Variants in DMRTB1 observed in about 807,000 individuals in gnomAD.
DMRTB1 encodes the protein doublesex- and mab-3-related transcription factor B1.
Under a neutral mutation model 25.2 loss-of-function variants are expected in DMRTB1, and 9 were observed. The ratio of observed to expected loss-of-function variants is 0.36; its 90% CI spans 0.22 to 0.62. The LOEUF is 0.62. Among genes scored for constraint, DMRTB1 ranks in the 20% least tolerant of loss-of-function variants. The pLI is 0.71. For missense variants in DMRTB1, 551 were observed against 499.3 expected, an observed-to-expected ratio of 1.10 and a Z score of -0.99; for synonymous variants, 269 against 238.1, an observed-to-expected ratio of 1.13 and a Z score of -1.20.
At position 53,459,912 on chromosome 1, in the gene DMRTB1, G is replaced by C; in HGVS notation, c.459G>C (p.Ala153=). Residue 153 remains alanine (A), a synonymous_variant, in exon 1 of 4, where the codon GCG becomes GCC. Transcript: ENST00000371445. ...AGCCGAGCGAGCGAGCCGCCGTGGC[G>C]ATGCCCAGCCTTGCGGGACCCCCTT... The part of the protein sequence containing the change: ...HVEPSERAAV[A]MPSLAGPPFG... 6.5e-7 allele frequency: 1 copy of C among 1,548,642 alleles called. No individual in the cohort carries two copies. The highest frequency in any genetic ancestry group is 8.6e-7 in the Non-Finnish European group (1 of 1,156,990).
chr1:53,463,341 C>A (rs1644031634), intron 2 of DMRTB1, among the ~76,000 whole-genome samples: 1 of 152,174 alleles, frequency 6.6e-6, no homozygotes, highest in Non-Finnish European at 1.5e-5. Context: ...GTTCACAGGA[C>A]AGCACTGGCC....
Position 53,459,681 on chromosome 1 carries a change from G to C in DMRTB1, c.228G>C (p.Gln76His). 6.6e-7 allele frequency: 1 copy of C among 1,516,488 alleles called. No individual in the cohort carries two copies. Among genetic ancestry groups the C allele is most frequent in the Non-Finnish European group, 8.8e-7 (1 of 1,133,112 alleles). The allele number at this position is 1,516,488 out of a possible 1,614,324, so 93.9% of individuals were successfully genotyped here. A position where few individuals can be genotyped will look rare whatever the true frequency, so the allele number is the denominator to read the frequency against. The change falls in exon 1 of 4, where the codon CAG becomes CAC. Residue 76 changes from glutamine (Q) to histidine (H), a missense_variant. By Grantham distance (24) the Gln-to-His change is conservative. Coordinates refer to ENST00000371445, the MANE Select transcript of DMRTB1 (RefSeq NM_033067.3). ...EAALCAQGPK[Q>H]ASGAAAAAPA... Reference sequence around the variant, plus strand: ...CCCTGTGTGCGCAGGGGCCCAAGCAGGCCTCCGGGGCTGCGGCCGCCGCCC... The same window carrying C: ...CCCTGTGTGCGCAGGGGCCCAAGCACGCCTCCGGGGCTGCGGCCGCCGCCC...
chr1:53,463,679 A>T (rs1644035055), intron 2 of DMRTB1, among the ~76,000 whole-genome samples: 1 of 152,178 alleles, frequency 6.6e-6, no homozygotes, highest in African/African-American at 2.4e-5. Context: ...TGACCCACTA[A>T]TGTGGGGAGC....
At chr1:53,461,000 G>T (rs1454093500) in intron 1 of DMRTB1, among the ~76,000 whole-genome samples, 2 of 152,200 alleles carry the variant, frequency 1.3e-5, no homozygotes, top group Non-Finnish European at 2.9e-5. Context: ...CATCTCAACA[G>T]ACAAGCAGGG....
intron 2 of DMRTB1, among the ~76,000 whole-genome samples, chr1:53,462,495 A>G (rs1210772995): frequency 6.6e-6 from 1 of 152,180 alleles, no homozygotes; most frequent in African/African-American, 2.4e-5. Flanking sequence ...TCTTCCACTT[A>G]TCTTAGATGT....
chr1:53,459,834 G>C lies in DMRTB1; in HGVS notation c.381G>C (p.Arg127=), dbSNP rs888136715. 4 of 1,473,028 alleles carry C rather than the reference G, an allele frequency of 2.7e-6. No homozygotes were observed. The African/African-American group carries it at 5.9e-5, about 22-fold the overall frequency. 91.2% of individuals were successfully genotyped at this position (1,473,028 alleles called of 1,614,324 possible). A position where few individuals can be genotyped will look rare whatever the true frequency, so the allele number is the denominator to read the frequency against. ...ACFFEQPPRG[R]NPGPRALQPV... Reference sequence around the variant, plus strand: ...TCTTCGAGCAGCCCCCGCGGGGCCGGAACCCCGGCCCGAGAGCCCTCCAGC... The same window carrying C: ...TCTTCGAGCAGCCCCCGCGGGGCCGCAACCCCGGCCCGAGAGCCCTCCAGC... Residue 127 remains arginine (R), a synonymous_variant, in exon 1 of 4, where the codon CGG becomes CGC. Coordinates refer to ENST00000371445, the MANE Select transcript of DMRTB1 (RefSeq NM_033067.3).
At chr1:53,465,449 G>A (rs768650678) in intron 3 of DMRTB1, among the ~76,000 whole-genome samples, 3 of 152,210 alleles carry the variant, frequency 2.0e-5, no homozygotes, top group African/African-American at 4.8e-5. Flanking sequence ...TGTGAGGGTC[G>A]AAGAAACTTT....
chr1:53,462,530 T>C (rs1644028042), intron 2 of DMRTB1, among the ~76,000 whole-genome samples: 1 of 152,222 alleles, frequency 6.6e-6, no homozygotes, highest in African/African-American at 2.4e-5. Context: ...TAAAAATCAT[T>C]TTCCACTGAT....
rs1224952204 is a variant in DMRTB1, at chr1:53,466,975, C to G, written c.*313C>G. On this transcript the variant is annotated 3_prime_UTR_variant, in exon 4 of 4. Coordinates refer to ENST00000371445, the MANE Select transcript of DMRTB1 (RefSeq NM_033067.3). ...TTACACTACCATTTATTGGAACAAGCCCCAGAGGCAGTATTTGATTTCCTC... is the reference window on the plus strand; with the variant it reads ...TTACACTACCATTTATTGGAACAAGGCCCAGAGGCAGTATTTGATTTCCTC... 1.2e-5 allele frequency: 4 copies of G among 337,214 alleles called. No individual in the cohort carries two copies. Among genetic ancestry groups the G allele is most frequent in the Non-Finnish European group, 2.2e-5 (4 of 185,080 alleles). 20.9% of individuals were successfully genotyped at this position (337,214 alleles called of 1,614,324 possible).
At chr1:53,464,504 C>G (rs1331106426) in intron 2 of DMRTB1, 133 bp from the exon 3 acceptor site, 10 of 1,406,402 alleles carry the variant, frequency 7.1e-6, no homozygotes, top group Admixed American at 1.7e-5. Context: ...TCCAAATGCC[C>G]TGTGCCTGTG....
At position 53,459,659 on chromosome 1, in the gene DMRTB1, T is replaced by G. The variant is rs376953028; in HGVS notation, c.206T>G (p.Leu69Arg). ...GCCGAGGAGGAGCAGGAGGCGGCCC[T>G]GTGTGCGCAGGGGCCCAAGCAGGCC... ...QAAEEEQEAA[L>R]CAQGPKQASG... Residue 69 changes from leucine (L) to arginine (R), a missense_variant, in exon 1 of 4, where the codon CTG (leucine) becomes CGG (arginine). Leu to Arg is a moderately radical substitution (Grantham distance 102). Coordinates refer to ENST00000371445, the MANE Select transcript of DMRTB1 (RefSeq NM_033067.3). The G allele has an allele frequency of 2.6e-5, 40 of 1,549,752 alleles. No homozygotes were observed. Among genetic ancestry groups the G allele is most frequent in the South Asian group, 2.1e-4 (18 of 84,180 alleles).
Position 53,459,789 on chromosome 1 carries a change from G to C in DMRTB1, c.336G>C (p.Glu112Asp). The stretch of plus-strand genomic sequence containing the variant: ...CCGGAGACGCCGACCCGGGACCCGA[G>C]GGCCGCGCGGCCGCTTGCTTCTTCG... ...TPSGDADPGP[E>D]GRAAACFFEQ... is the part of the protein sequence containing the mutation. The change falls in exon 1 of 4, where the codon GAG (glutamate) becomes GAC (aspartate). Residue 112 changes from glutamate to aspartate, a missense_variant. Physicochemically the swap from Glu to Asp is conservative, Grantham distance 45 (BLOSUM62 2). Coordinates refer to ENST00000371445, the MANE Select transcript of DMRTB1 (RefSeq NM_033067.3). The C allele has an allele frequency of 7.1e-7, 1 of 1,401,820 alleles. No individual in the cohort carries two copies. Among genetic ancestry groups the C allele is most frequent in the Non-Finnish European group, 9.2e-7 (1 of 1,082,114 alleles). 86.8% of individuals were successfully genotyped at this position (1,401,820 alleles called of 1,614,324 possible). A position where few individuals can be genotyped will look rare whatever the true frequency, so the allele number is the denominator to read the frequency against.
chr1:53,460,684 T>A (rs989721970), intron 1 of DMRTB1: 3 of 152,318 alleles, frequency 2.0e-5, no homozygotes, highest in African/African-American at 7.2e-5. Context: ...GAGCTTTTGG[T>A]ATTGAAGTAG....
rs1466176682 is a variant in DMRTB1, at chr1:53,459,575, A to G, written c.122A>G (p.Tyr41Cys). ...AAGCAGTGCCTCTGCGAGAAGTGCTACCTGATCTCCGAGCGCCAGAAGATC... is the reference window on the plus strand; with the variant it reads ...AAGCAGTGCCTCTGCGAGAAGTGCTGCCTGATCTCCGAGCGCCAGAAGATC... ...RWKQCLCEKC[Y>C]LISERQKIMA... Residue 41 changes from tyrosine (Y) to cysteine (C), a missense_variant, in exon 1 of 4, where the codon TAC becomes TGC. Transcript: ENST00000371445. The G allele has an allele frequency of 1.9e-6, 3 of 1,607,644 alleles. No homozygotes were observed. Among genetic ancestry groups the G allele is most frequent in the Non-Finnish European group, 2.5e-6 (3 of 1,177,432 alleles).
Position 53,464,518 on chromosome 1 carries a change from T to G in DMRTB1, c.751-119T>G, listed in dbSNP as rs375316409. 135 of 1,494,590 alleles carry G rather than the reference T, an allele frequency of 9.0e-5. 1 individual carries two copies. The Middle Eastern group carries it at 1.2e-3, about 13-fold the overall frequency. 92.6% of individuals were successfully genotyped at this position (1,494,590 alleles called of 1,614,324 possible). A position where few individuals can be genotyped will look rare whatever the true frequency, so the allele number is the denominator to read the frequency against. On this transcript the variant is annotated intron_variant, in intron 2 of 3. Coordinates refer to ENST00000371445, the MANE Select transcript of DMRTB1 (RefSeq NM_033067.3). ...TTCCAAATGCCCTGTGCCTGTGTGT[T>G]TGGGGCCGTGCATCTACCCCATCAG...
chr1:53,460,364 T>A, intron 1 of DMRTB1: 1 of 213,866 alleles, frequency 4.7e-6, no homozygotes, highest in Non-Finnish European at 9.3e-6. Flanking sequence ...GTCCTACTGC[T>A]CTTGCGCACC....
chr1:53,459,817 C>T lies in DMRTB1; in HGVS notation c.364C>T (p.Gln122Ter). The change falls in exon 1 of 4, where the codon CAG (glutamine) becomes TAG (stop). Residue 122 changes from glutamine (Q) to a stop codon, truncating the protein, a stop_gained. Transcript: ENST00000371445. LOFTEE classifies it high-confidence loss of function. ...CCGCGCGGCCGCTTGCTTCTTCGAG[C>T]AGCCCCCGCGGGGCCGGAACCCCGG... ...EGRAAACFFEQPPRGRNPGPR... is the reference protein window; with the variant it reads ...EGRAAACFFE 6.9e-7 allele frequency: 1 copy of T among 1,445,566 alleles called. No homozygotes were observed. The highest frequency in any genetic ancestry group is 9.0e-7 in the Non-Finnish European group (1 of 1,106,746). The allele number at this position is 1,445,566 out of a possible 1,614,324, so 89.5% of individuals were successfully genotyped here. A position where few individuals can be genotyped will look rare whatever the true frequency, so the allele number is the denominator to read the frequency against.
intron 2 of DMRTB1, among the ~76,000 whole-genome samples, chr1:53,463,726 C>T (rs560825772): frequency 6.6e-6 from 1 of 152,316 alleles, no homozygotes; most frequent in South Asian, 2.1e-4. Context: ...TAACAAAGAA[C>T]ACTTTTAAGA....
In DMRTB1 at chr1:53,459,706, C is replaced by A; in HGVS notation, c.253C>A (p.Pro85Thr). 1 of 1,452,902 alleles carries A rather than the reference C, an allele frequency of 6.9e-7. No homozygotes were observed. The highest frequency in any genetic ancestry group is 9.0e-7 in the Non-Finnish European group (1 of 1,105,028). The allele number at this position is 1,452,902 out of a possible 1,614,324, so 90.0% of individuals were successfully genotyped here. A position where few individuals can be genotyped will look rare whatever the true frequency, so the allele number is the denominator to read the frequency against. The change falls in exon 1 of 4, where the codon CCC (proline) becomes ACC (threonine). Residue 85 changes from proline to threonine, a missense_variant. Transcript: ENST00000371445. The stretch of plus-strand genomic sequence containing the variant: ...GGCCTCCGGGGCTGCGGCCGCCGCC[C>A]CCGCCCCCGTCCCCGTCCCGGCCGC... ...KQASGAAAAAPAPVPVPAASL... is the reference protein window; with the variant it reads ...KQASGAAAAATAPVPVPAASL...
Sources: allele counts gnomAD v4.1 joint callset (sites outside exome capture counted in the v4.1 genomes callset), GRCh38; gene constraint gnomAD v4.1.1; transcripts MANE v1.5; gene names NCBI Gene and HGNC (gene_info 2026-07-23, HGNC 2026-07-21).